Variants in PBRM1 observed in about 807,000 individuals in gnomAD.
PBRM1 encodes protein polybromo-1.
In PBRM1, 27 loss-of-function variants were observed where a neutral mutation model predicts 194.5. That is an observed-to-expected ratio of 0.14 (90% CI 0.10 to 0.19). The LOEUF is 0.19. Ranked by LOEUF, PBRM1 falls within the 10% of genes least tolerant of loss-of-function variation. The pLI is 1.00. For missense variants in PBRM1, 1,466 were observed against 2,077.2 expected (o/e 0.71, Z 5.72); for synonymous variants, 655 against 693.2 (o/e 0.94, Z 0.87).
At chr3:52,645,672 C>T (rs774297192) in intron 7 of PBRM1, among the ~76,000 whole-genome samples, 9 of 151,536 alleles carry the variant, frequency 5.9e-5, no homozygotes, top group East Asian at 3.9e-4. Flanking sequence ...CCACAGCAGT[C>T]GAGCTGATAA....
chr3:52,552,801 G>A (rs2081299781), intron 27 of PBRM1, among the ~76,000 whole-genome samples: 1 of 152,132 alleles, frequency 6.6e-6, no homozygotes, highest in Non-Finnish European at 1.5e-5. Context: ...AAGGTGAGAG[G>A]GCAAAAAATT....
chr3:52,587,281 G>A (rs1047870798), intron 19 of PBRM1, 72 bp downstream of exon 21: 25 of 1,099,014 alleles, frequency 2.3e-5, no homozygotes, highest in African/African-American at 2.2e-4. Flanking sequence ...TGTAAACATC[G>A]ATTATTTTCT....
intron 17 of PBRM1, among the ~76,000 whole-genome samples, chr3:52,600,698 G>A (rs2093928690): frequency 6.6e-6 from 1 of 152,176 alleles, no homozygotes. Flanking sequence ...GAGTGCAATG[G>A]CGCGATCTTA....
chr3:52,576,757 T>A (rs2153662554), intron 21 of PBRM1, 59 bp from the exon 24 acceptor site: 1 of 1,380,808 alleles, frequency 7.2e-7, no homozygotes, highest in African/African-American at 1.5e-5. Flanking sequence ...AGGATTAATC[T>A]AACAAAAATC....
chr3:52,571,855 C>A (rs7372818), intron 22 of PBRM1, among the ~76,000 whole-genome samples: 71,187 of 77,918 alleles, frequency 0.91, 32,324 homozygotes, highest in South Asian at 0.96. Flanking sequence ...CCTCATCTCC[C>A]CAAAAAAAAA....
chr3:52,564,134 C>T (rs1266754347), exon 23 of PBRM1: 6 of 1,613,696 alleles, frequency 3.7e-6, no homozygotes, highest in African/African-American at 2.7e-5. Context: ...CTGCTTGTCG[C>T]TCTCATTGTA....
intron 2 of PBRM1, among the ~76,000 whole-genome samples, chr3:52,673,514 C>CA (rs1359720085): frequency 2.7e-5 from 4 of 148,378 alleles, no homozygotes; most frequent in Admixed American, 6.7e-5. Flanking sequence ...ACTAAAAGTA[C>CA]AAAAAAAATT....
intron 5 of PBRM1, among the ~76,000 whole-genome samples, chr3:52,653,483 G>A (rs1173837025): frequency 6.6e-6 from 1 of 151,958 alleles, no homozygotes; most frequent in Admixed American, 6.6e-5. Context: ...CAGCTACTTG[G>A]GAGGCTGAGG....
Position 52,574,471 on chromosome 3 carries a change from G to A in PBRM1, c.3691+2070C>T, listed in dbSNP as rs377758365. ...AAAGTCAAATGAACCAGCTGTTGCC[G>A]GCTGGGGCAAAGGGTATCAGTCAGG... On this transcript the variant is annotated intron_variant, in intron 22 of 29. Transcript: ENST00000296302. 3.0e-4 allele frequency among the ~76,000 whole-genome samples: 45 copies of A among 152,276 alleles called. No homozygotes were observed. The South Asian group carries it at 9.1e-3, about 31-fold the overall frequency.
At chr3:52,645,353 G>C (rs747680745) in intron 7 of PBRM1, among the ~76,000 whole-genome samples, 19 of 149,122 alleles carry the variant, frequency 1.3e-4, no homozygotes, top group Non-Finnish European at 1.2e-4. Context: ...GGTGGAGACA[G>C]AGTCTTACCA....
chr3:52,616,959 T>A (rs1258892333), intron 14 of PBRM1, among the ~76,000 whole-genome samples: 1 of 152,178 alleles, frequency 6.6e-6, no homozygotes, highest in African/African-American at 2.4e-5. Flanking sequence ...ACAACCCTGA[T>A]GCAAGTACTA....
rs535932126 is a variant in PBRM1 at position 52,648,211 on chromosome 3, T to C, written c.813+133A>G. On this transcript the variant is annotated intron_variant, in intron 7 of 29. Transcript: ENST00000296302. The stretch of plus-strand genomic sequence containing the variant: ...CGTGAGCCACTGCGCCCAGCCTAAA[T>C]TAAACACTTTTAATGGGTAAAGTCC... 5.5e-4 allele frequency: 317 copies of C among 576,986 alleles called. 1 individual carries two copies. The highest frequency in any genetic ancestry group is 2.2e-3 in the South Asian group (92 of 41,104). 35.7% of individuals were successfully genotyped at this position (576,986 alleles called of 1,614,324 possible).
chr3:52,677,408 C>CTT (rs71087007), intron 2 of PBRM1, among the ~76,000 whole-genome samples: 38 of 110,818 alleles, frequency 3.4e-4, no homozygotes, highest in East Asian at 2.0e-3. Context: ...CCATGCTCGG[C>CTT]TTTTTTTTTT....
At chr3:52,589,470 A>C (rs2092791972) in intron 17 of PBRM1, among the ~76,000 whole-genome samples, 1 of 152,242 alleles carries the variant, frequency 6.6e-6, no homozygotes, top group Non-Finnish European at 1.5e-5. Context: ...TCATTAATTT[A>C]AATGAATATA....
chr3:52,663,897 A>G (rs964685240), intron 3 of PBRM1, among the ~76,000 whole-genome samples: 1 of 152,058 alleles, frequency 6.6e-6, no homozygotes, highest in African/African-American at 2.4e-5. Flanking sequence ...ATCTCTACTG[A>G]AAATACAAAA....
chr3:52,675,084 T>C (rs2097066353), intron 2 of PBRM1, among the ~76,000 whole-genome samples: 1 of 152,168 alleles, frequency 6.6e-6, no homozygotes, highest in Admixed American at 6.5e-5. Flanking sequence ...AAAAGGATTA[T>C]GAGAGTTCTA....
intron 19 of PBRM1, 27 bp from the exon 22 acceptor site, chr3:52,586,715 A>T (rs767596199): frequency 1.5e-6 from 2 of 1,353,374 alleles, no homozygotes; most frequent in African/African-American, 3.0e-5. Context: ...GCATAAGAAT[A>T]AAACTAGTTA....
At chr3:52,651,431 T>A (rs1046982690) in intron 6 of PBRM1, among the ~76,000 whole-genome samples, 6 of 152,218 alleles carry the variant, frequency 3.9e-5, no homozygotes, top group African/African-American at 1.2e-4. Flanking sequence ...CAAAATTTCA[T>A]GTACCCCATA....
intron 3 of PBRM1, among the ~76,000 whole-genome samples, chr3:52,666,709 G>A (rs1180815814): frequency 2.5e-4 from 38 of 151,712 alleles, no homozygotes; most frequent in Non-Finnish European, 5.2e-4. Context: ...TGGGCAACAC[G>A]GTGAAATCCC....
Sources: allele counts gnomAD v4.1 joint callset (sites outside exome capture counted in the v4.1 genomes callset), GRCh38; gene constraint gnomAD v4.1.1; transcripts MANE v1.5; gene names NCBI Gene and HGNC (gene_info 2026-07-23, HGNC 2026-07-21).